CCNT1: variants seen among roughly 807,000 people sequenced by gnomAD.
The protein encoded by CCNT1 is cyclin-T1.
Under a neutral mutation model 67.3 loss-of-function variants are expected in CCNT1, and 18 were observed. The ratio of observed to expected loss-of-function variants is 0.27; its 90% CI spans 0.18 to 0.40. The LOEUF (loss-of-function observed/expected upper bound fraction) is 0.40, where lower values mean the gene tolerates loss of function less well. Among genes scored for constraint, CCNT1 ranks in the 10% least tolerant of loss-of-function variants. CCNT1 has a pLI of 1.00. For missense variants in CCNT1, 744 were observed against 884.9 expected, an observed-to-expected ratio of 0.84 and a Z score of 2.02; for synonymous variants, 333 against 310.3, an observed-to-expected ratio of 1.07 and a Z score of -0.77.
intron 1 of CCNT1, among the ~76,000 whole-genome samples, 189 bp from the exon 2 acceptor site, chr12:48,714,713 T>C (rs1565622687): frequency 6.6e-6 from 1 of 152,254 alleles, no homozygotes; most frequent in Non-Finnish European, 1.5e-5. Context: ...AACTGACACT[T>C]AGCACAATGC....
intron 3 of CCNT1, among the ~76,000 whole-genome samples, chr12:48,704,519 A>AC (rs1940324142): frequency 6.6e-6 from 1 of 152,130 alleles, no homozygotes; most frequent in Admixed American, 6.6e-5. Context: ...CAGGAAAAGC[A>AC]CCTCAAGGTG....
At chr12:48,711,899 T>C (rs1017323299) in intron 2 of CCNT1, among the ~76,000 whole-genome samples, 3 of 152,116 alleles carry the variant, frequency 2.0e-5, no homozygotes, top group Non-Finnish European at 2.9e-5. Flanking sequence ...TTCATGCCAT[T>C]CTCCTGTCTC....
In CCNT1 at chr12:48,692,513, ACTG is replaced by A. The variant is rs1164575877; in HGVS notation, c.*517_*519del. The A allele has an allele frequency of 7.2e-6, 1 of 139,070 alleles. No homozygotes were observed. The highest frequency in any genetic ancestry group is 2.4e-4 in the East Asian group (1 of 4,240). 8.6% of individuals were successfully genotyped at this position (139,070 alleles called of 1,614,324 possible). On this transcript the variant is annotated 3_prime_UTR_variant, in exon 9 of 9. Transcript: ENST00000261900. The stretch of plus-strand genomic sequence containing the variant: ...CCTCCAATCCCACCCACCAGGAGTT[ACTG>A]CTATGTATCATATACACACAGCAAA...
chr12:48,705,631 C>T lies in CCNT1; in HGVS notation c.372+137G>A, dbSNP rs78227242. 4.3e-3 allele frequency: 3,115 copies of T among 717,576 alleles called. 23 individuals are homozygous for T. The highest frequency in any genetic ancestry group is 0.016 in the South Asian group (883 of 54,406). 44.5% of individuals were successfully genotyped at this position (717,576 alleles called of 1,614,324 possible). On this transcript the variant is annotated intron_variant, in intron 3 of 8. Transcript: ENST00000261900. ...CACTAAAATATTCTTTTAACAACAC[C>T]AATCTAAACTTCAATAAATCGAAGT...
At position 48,713,935 on chromosome 12, in the gene CCNT1, C is replaced by T. The variant is rs113663548; in HGVS notation, c.243+508G>A. Among the ~76,000 whole-genome samples, 398 of 152,216 alleles carry T rather than the reference C, an allele frequency of 2.6e-3. 4 individuals are homozygous for T. Among genetic ancestry groups the T allele is most frequent in the Middle Eastern group, 0.014 (4 of 294 alleles). On this transcript the variant is annotated intron_variant, in intron 2 of 8. Transcript: ENST00000261900. Reference sequence around the variant, plus strand: ...TTGAAGACAGGGTCTCACTCTGATGCCCAGGCTGGAGTGAAGCGACTCAAT... The same window carrying T: ...TTGAAGACAGGGTCTCACTCTGATGTCCAGGCTGGAGTGAAGCGACTCAAT...
chr12:48,702,107 A>G (rs1388892315), intron 3 of CCNT1, among the ~76,000 whole-genome samples: 2 of 149,110 alleles, frequency 1.3e-5, no homozygotes, highest in African/African-American at 2.5e-5. Flanking sequence ...ATATTGGCAA[A>G]GCTGGTCTTG....
intron 8 of CCNT1, among the ~76,000 whole-genome samples, chr12:48,695,115 T>C (rs905196951): frequency 2.0e-5 from 3 of 151,960 alleles, no homozygotes; most frequent in Non-Finnish European, 2.9e-5. Flanking sequence ...TGAGCCACCA[T>C]GCCCGGCCTC....
intron 1 of CCNT1, among the ~76,000 whole-genome samples, chr12:48,715,404 A>G (rs1940518778): frequency 6.6e-6 from 1 of 152,132 alleles, no homozygotes; most frequent in African/African-American, 2.4e-5. Context: ...CTCCACCATA[A>G]AATAAGTGTA....
In CCNT1 at chr12:48,688,668, C is replaced by T. The variant is rs1428279721; in HGVS notation, c.*4365G>A. 1 of 152,104 alleles carries T rather than the reference C, an allele frequency of 6.6e-6. No homozygotes were observed. Among genetic ancestry groups the T allele is most frequent in the Non-Finnish European group, 1.5e-5 (1 of 68,048 alleles). The allele number at this position is 152,104 out of a possible 1,614,324, so 9.4% of individuals were successfully genotyped here. A position where few individuals can be genotyped will look rare whatever the true frequency, so the allele number is the denominator to read the frequency against. On this transcript the variant is annotated 3_prime_UTR_variant, in exon 9 of 9. Coordinates refer to ENST00000261900, the MANE Select transcript of CCNT1 (RefSeq NM_001240.4). The stretch of plus-strand genomic sequence containing the variant: ...GCAGTAGATATCCCAGGGGTAGCAT[C>T]CAGAGCTGAGGTGCCCCAAGGAAGA...
intron 4 of CCNT1, among the ~76,000 whole-genome samples, chr12:48,700,254 G>A (rs1373737264): frequency 6.7e-6 from 1 of 149,994 alleles, no homozygotes; most frequent in Non-Finnish European, 1.5e-5. Flanking sequence ...AGGAGGCGGA[G>A]GTTGCAATGA....
chr12:48,697,277 T>G (rs1592119008), intron 6 of CCNT1, among the ~76,000 whole-genome samples: 1 of 151,968 alleles, frequency 6.6e-6, no homozygotes, highest in African/African-American at 2.4e-5. Flanking sequence ...CCCAGCACTT[T>G]GGGAAGCCAA....
intron 2 of CCNT1, among the ~76,000 whole-genome samples, chr12:48,713,426 G>C (rs1480375869): frequency 1.3e-5 from 2 of 152,136 alleles, no homozygotes; most frequent in Non-Finnish European, 2.9e-5. Flanking sequence ...TTTTATCAAA[G>C]GCTTTTGGAA....
Position 48,693,156 on chromosome 12 carries a change from A to C in CCNT1, c.2058T>G (p.Pro686=). The C allele has an allele frequency of 3.7e-6, 6 of 1,614,194 alleles. No homozygotes were observed. The highest frequency in any genetic ancestry group is 5.1e-6 in the Non-Finnish European group (6 of 1,180,032). The change falls in exon 9 of 9, where the codon CCT becomes CCG. Residue 686 remains proline (P), a synonymous_variant. Transcript: ENST00000261900. ...TQPTAFEFVR[P]YSDYLNPRSG... is the part of the protein sequence containing the mutation. The stretch of plus-strand genomic sequence containing the variant: ...ACCGAGGATTCAGATAGTCACTATA[A>C]GGACGAACAAATTCAAATGCAGTGG...
At chr12:48,707,445 G>C (rs1413940096) in intron 2 of CCNT1, among the ~76,000 whole-genome samples, 3 of 151,786 alleles carry the variant, frequency 2.0e-5, no homozygotes, top group Non-Finnish European at 4.4e-5. Flanking sequence ...ACCACACCCA[G>C]TTAATTTATT....
At chr12:48,694,526 G>A in intron 8 of CCNT1, 90 bp from the exon 9 acceptor site, 1 of 1,163,784 alleles carries the variant, frequency 8.6e-7, no homozygotes, top group South Asian at 1.5e-5. Context: ...CAGCAACACT[G>A]GAAGTTCTGG....
chr12:48,711,940 C>A (rs1322346390), intron 2 of CCNT1, among the ~76,000 whole-genome samples: 1 of 152,080 alleles, frequency 6.6e-6, no homozygotes, highest in Non-Finnish European at 1.5e-5. Context: ...CTACAGGCGC[C>A]CACCGCCACG....
At chr12:48,700,981 TAA>T in intron 4 of CCNT1, 30 bp downstream of exon 4, 2 of 1,304,940 alleles carry the variant, frequency 1.5e-6, no homozygotes, top group Non-Finnish European at 2.2e-6. Context: ...TTGCATAATT[TAA>T]AAAAATGTTT....
In CCNT1 at chr12:48,695,666, C is replaced by G. The variant is rs1940159050; in HGVS notation, c.777+93G>C. ...TGTGTAACTATAAAAAGGGCAATTC[C>G]AAACCTAGGGTACATATTCAATACT... On this transcript the variant is annotated intron_variant, in intron 8 of 8. Coordinates refer to ENST00000261900, the MANE Select transcript of CCNT1 (RefSeq NM_001240.4). 6.1e-6 allele frequency: 5 copies of G among 814,454 alleles called. No individual in the cohort carries two copies. The Admixed American group carries it at 1.2e-4, about 19-fold the overall frequency. The allele number at this position is 814,454 out of a possible 1,614,324, so 50.5% of individuals were successfully genotyped here.
intron 3 of CCNT1, among the ~76,000 whole-genome samples, chr12:48,703,847 G>C (rs368804665): frequency 6.6e-6 from 1 of 151,604 alleles, no homozygotes; most frequent in East Asian, 1.9e-4. Context: ...GGATCACTGA[G>C]CCCGGAAGGT....
Sources: gnomAD v4.1 joint callset for allele counts (sites outside exome capture counted in the v4.1 genomes callset) on GRCh38, gnomAD v4.1.1 for gene constraint, MANE v1.5 for transcripts, NCBI Gene and HGNC (gene_info 2026-07-23, HGNC 2026-07-21) for gene names.